Variants in CDH18 observed in about 807,000 individuals in gnomAD.
CDH18 encodes cadherin 18.
In CDH18, 31 loss-of-function variants were observed where a neutral mutation model predicts 67.9. That is an observed-to-expected ratio of 0.46 (90% CI 0.34 to 0.62). The LOEUF is 0.62. Among genes scored for constraint, CDH18 ranks in the 20% least tolerant of loss-of-function variants. The probability of loss-of-function intolerance (pLI) is 0.01; values close to 1 mark genes in which losing one functional copy is unlikely to be tolerated. For missense variants in CDH18, 890 were observed against 975.5 expected (o/e 0.91, Z 1.17); for synonymous variants, 362 against 347.2 (o/e 1.04, Z -0.48).
At chr5:19,814,762 T>C (rs955531993) in intron 3 of CDH18, among the ~76,000 whole-genome samples, 3 of 151,714 alleles carry the variant, frequency 2.0e-5, no homozygotes, top group Admixed American at 6.6e-5. Flanking sequence ...TTGTAACTAA[T>C]AGACAAGCCC....
chr5:20,139,584 T>A (rs924312622), intron 2 of CDH18, among the ~76,000 whole-genome samples: 1 of 152,126 alleles, frequency 6.6e-6, no homozygotes, highest in African/African-American at 2.4e-5. Flanking sequence ...AAAGGGCTGA[T>A]ATCCAGAATC....
chr5:19,912,510 G>T (rs1579558911), intron 2 of CDH18, among the ~76,000 whole-genome samples: 1 of 152,272 alleles, frequency 6.6e-6, no homozygotes, highest in East Asian at 1.9e-4. Flanking sequence ...ACAAAACTTA[G>T]TTGAGTGATC....
intron 1 of CDH18, among the ~76,000 whole-genome samples, chr5:20,371,071 T>C (rs1742961433): frequency 1.3e-5 from 2 of 150,268 alleles, no homozygotes; most frequent in Admixed American, 1.3e-4. Flanking sequence ...GTCCAGCCAA[T>C]GTATCATAGT....
chr5:19,518,855 A>G (rs1348614105), intron 10 of CDH18, among the ~76,000 whole-genome samples: 2 of 152,108 alleles, frequency 1.3e-5, no homozygotes, highest in African/African-American at 4.8e-5. Context: ...ACTCCCTTTC[A>G]TATATACTTC....
At chr5:19,990,391 G>A (rs1315565965), upstream of CDH18, among the ~76,000 whole-genome samples, 3 of 152,164 alleles carry the variant, frequency 2.0e-5, no homozygotes, top group Non-Finnish European at 1.5e-5. Context: ...AACAAAACCT[G>A]TTTTTGCTGG....
rs150768632 is a variant in CDH18 at position 19,640,893 on chromosome 5, C to T, written c.644-28292G>A. Reference sequence around the variant, plus strand: ...GAAAAAATAGACCAAATCATCAGAACTAAATTAGTTTTGTGAAAGATAATA... The same window carrying T: ...GAAAAAATAGACCAAATCATCAGAATTAAATTAGTTTTGTGAAAGATAATA... On this transcript the variant is annotated intron_variant, in intron 5 of 12. Transcript: ENST00000382275. Among the ~76,000 whole-genome samples, 196 of 151,652 alleles carry T rather than the reference C, an allele frequency of 1.3e-3. 1 individual carries two copies. The highest frequency in any genetic ancestry group is 4.6e-3 in the African/African-American group (190 of 41,426).
At chr5:19,729,133 G>A (rs1767256885) in intron 4 of CDH18, among the ~76,000 whole-genome samples, 1 of 152,046 alleles carries the variant, frequency 6.6e-6, no homozygotes, top group Admixed American at 6.6e-5. Context: ...CTTTCAATAG[G>A]ATCTTATTTA....
chr5:20,261,383 T>C (rs962025185), intron 1 of CDH18, among the ~76,000 whole-genome samples: 1 of 152,174 alleles, frequency 6.6e-6, no homozygotes. Flanking sequence ...TTTGTATGAG[T>C]AATTATTTAT....
intron 2 of CDH18, among the ~76,000 whole-genome samples, chr5:19,874,748 C>A (rs913180353): frequency 2.0e-5 from 3 of 152,140 alleles, no homozygotes; most frequent in Non-Finnish European, 4.4e-5. Flanking sequence ...TTGTCTGCTG[C>A]AACTCATTTA....
chr5:19,664,129 T>C (rs1276806367), intron 5 of CDH18, among the ~76,000 whole-genome samples: 1 of 151,928 alleles, frequency 6.6e-6, no homozygotes, highest in Non-Finnish European at 1.5e-5. Flanking sequence ...ACATGAAATC[T>C]TCAAAAATGT....
intron 7 of CDH18, among the ~76,000 whole-genome samples, chr5:19,578,069 A>C (rs1383520536): frequency 6.6e-6 from 1 of 152,176 alleles, no homozygotes; most frequent in Non-Finnish European, 1.5e-5. Context: ...TTACCAAGGA[A>C]AGAGGAAGTG....
At chr5:19,904,199 C>T (rs560247239) in intron 2 of CDH18, among the ~76,000 whole-genome samples, 1 of 151,222 alleles carries the variant, frequency 6.6e-6, no homozygotes, top group Admixed American at 6.6e-5. Flanking sequence ...ACTTGAACTC[C>T]GGAGGCGGAG....
chr5:20,097,181 C>T lies in CDH18; in HGVS notation c.-517-105167G>A, dbSNP rs929061655. Among the ~76,000 whole-genome samples the T allele has an allele frequency of 3.3e-5, 5 of 152,066 alleles. No homozygotes were observed. The South Asian group carries it at 6.2e-4, about 19-fold the overall frequency. ...TTTTTATGTGTAAGCCTTCAGTTTT[C>T]TAGACCACTAGCTCATCCCCAGTTC... On this transcript the variant is annotated intron_variant, in intron 2 of 14. Transcript: ENST00000507958.
chr5:19,823,291 G>C (rs1780069601), intron 3 of CDH18, among the ~76,000 whole-genome samples: 1 of 152,132 alleles, frequency 6.6e-6, no homozygotes, highest in Non-Finnish European at 1.5e-5. Flanking sequence ...TTAAAGTAAA[G>C]ACAGGCATAG....
rs1265238690 is a variant in CDH18, at chr5:19,960,459, AAC to A, written c.-257+20599_-257+20600del. Among the ~76,000 whole-genome samples, 5 of 151,468 alleles carry A rather than the reference AAC, an allele frequency of 3.3e-5. No individual in the cohort carries two copies. In the East Asian group the frequency reaches 9.8e-4, roughly 30 times the overall value. On this transcript the variant is annotated intron_variant, in intron 2 of 12. Transcript: ENST00000382275. ...CCATTAAAACGTCTTCAGGGGCAAT[AAC>A]ACACATAGAACTGTCATCTCCTATG...
intron 1 of CDH18, among the ~76,000 whole-genome samples, chr5:20,392,094 T>C (rs1254684449): frequency 6.6e-6 from 1 of 151,876 alleles, no homozygotes; most frequent in African/African-American, 2.4e-5. Flanking sequence ...CAAAGTATTT[T>C]TAAAGAAAGA....
intron 2 of CDH18, among the ~76,000 whole-genome samples, chr5:19,884,728 G>A (rs1006876304): frequency 2.0e-5 from 3 of 151,868 alleles, no homozygotes; most frequent in Non-Finnish European, 4.4e-5. Flanking sequence ...CATCTTTTAT[G>A]TTATTTTATC....
In CDH18 at chr5:19,544,016, AAAG is replaced by A. The variant is rs1735882952; in HGVS notation, c.1254-14_1254-12del. 1 of 1,508,682 alleles carries A rather than the reference AAAG, an allele frequency of 6.6e-7. No homozygotes were observed. 93.5% of individuals were successfully genotyped at this position (1,508,682 alleles called of 1,614,324 possible). A position where few individuals can be genotyped will look rare whatever the true frequency, so the allele number is the denominator to read the frequency against. On this transcript the variant is annotated splice_polypyrimidine_tract_variant and intron_variant, in intron 8 of 12. Coordinates refer to ENST00000382275, the MANE Select transcript of CDH18 (RefSeq NM_004934.5). Reference sequence around the variant, plus strand: ...TAGTTGATGAAGTATCTAGAGAAAAAAAGAGAAGTTTTTACTTGATGTTATAAT... The same window carrying A: ...TAGTTGATGAAGTATCTAGAGAAAAAAGAAGTTTTTACTTGATGTTATAAT...
chr5:19,586,880 A>C (rs1040516470), intron 7 of CDH18, among the ~76,000 whole-genome samples: 5 of 152,072 alleles, frequency 3.3e-5, no homozygotes, highest in African/African-American at 9.7e-5. Context: ...GTTGTATTTG[A>C]CTTTTTAATA....
Sources: allele counts gnomAD v4.1 joint callset (sites outside exome capture counted in the v4.1 genomes callset), GRCh38; gene constraint gnomAD v4.1.1; transcripts MANE v1.5; gene names NCBI Gene and HGNC (gene_info 2026-07-23, HGNC 2026-07-21).